DNAH14: variants seen among roughly 807,000 people sequenced by gnomAD.
DNAH14 encodes the protein axonemal beta dynein heavy chain 14.
A neutral mutation model predicts 520.9 loss-of-function variants in DNAH14; 478 were observed. The observed-to-expected ratio is 0.92, with a 90% CI of 0.85 to 0.99. The LOEUF is 0.99. Ranked by LOEUF, DNAH14 falls within the 50% of genes least tolerant of loss-of-function variation. The probability of loss-of-function intolerance (pLI) is 0.00; values close to 1 mark genes in which losing one functional copy is unlikely to be tolerated. For missense variants in DNAH14, 4,831 were observed against 5,234.5 expected, an observed-to-expected ratio of 0.92 and a Z score of 2.38; for synonymous variants, 1,581 against 1,757.2, an observed-to-expected ratio of 0.90 and a Z score of 2.51.
chr1:225,251,613 C>G (rs1227569648), intron 43 of DNAH14, among the ~76,000 whole-genome samples: 1 of 151,978 alleles, frequency 6.6e-6, no homozygotes, highest in African/African-American at 2.4e-5. Context: ...GAAGAACTTA[C>G]CATTAAGAGA....
chr1:225,384,369 A>G (rs1411064651), intron 81 of DNAH14, among the ~76,000 whole-genome samples: 2 of 152,132 alleles, frequency 1.3e-5, no homozygotes, highest in Non-Finnish European at 2.9e-5. Flanking sequence ...TGTGTGGGAC[A>G]CTAAGAACAG....
rs2149580456 is a variant in DNAH14, at chr1:225,232,828, A to G, written c.6518+1677A>G. Among the ~76,000 whole-genome samples the G allele has an allele frequency of 6.6e-6, 1 of 152,320 alleles. No individual in the cohort carries two copies. The highest frequency in any genetic ancestry group is 2.4e-5 in the African/African-American group (1 of 41,576). On this transcript the variant is annotated intron_variant, in intron 42 of 85. Transcript: ENST00000682510. This position sits in a 1 kb window ranked among gnomAD's most constrained non-coding sequence, Gnocchi z 4.2. Reference sequence around the variant, plus strand: ...ATTCTTATTTTAAGTTCAGGGGTACATGCACAGGATGTGCAGGTTTGTTAC... The same window carrying G: ...ATTCTTATTTTAAGTTCAGGGGTACGTGCACAGGATGTGCAGGTTTGTTAC...
chr1:225,201,575 TC>T (rs2086826401), intron 38 of DNAH14, among the ~76,000 whole-genome samples: 1 of 152,130 alleles, frequency 6.6e-6, no homozygotes, highest in Non-Finnish European at 1.5e-5. Flanking sequence ...TGTAGTACTC[TC>T]CCCCTTTTCC....
At chr1:225,031,205 A>C (rs958028292) in intron 11 of DNAH14, among the ~76,000 whole-genome samples, 1 of 152,072 alleles carries the variant, frequency 6.6e-6, no homozygotes, top group South Asian at 2.1e-4. Flanking sequence ...TTGATTTTGC[A>C]TATTGACCTT....
At chr1:225,175,701 CTTTTTTT>C (rs35341695) in intron 36 of DNAH14, among the ~76,000 whole-genome samples, 1 of 109,226 alleles carries the variant, frequency 9.2e-6, no homozygotes, top group Admixed American at 9.6e-5. Context: ...TATTTTGGAT[CTTTTTTT>C]TTTTTTTTTT....
intron 78 of DNAH14, among the ~76,000 whole-genome samples, chr1:225,375,878 A>G (rs2150706739): frequency 6.6e-6 from 1 of 151,884 alleles, no homozygotes; most frequent in Middle Eastern, 3.4e-3. Context: ...CTTGAAGCCA[A>G]GAGTTGGAGA....
chr1:225,228,570 G>C (rs947315339), intron 41 of DNAH14, among the ~76,000 whole-genome samples: 4 of 151,932 alleles, frequency 2.6e-5, no homozygotes, highest in Non-Finnish European at 5.9e-5. Flanking sequence ...ATGGAATGAT[G>C]TGCAAGGACA....
rs573346341 is a variant in DNAH14, at chr1:225,257,826, T to C, written c.6866-134T>C. ...CTGGGATTACAGGCGTGAGCCACCG[T>C]GCCCAGCCAGCCATGTACTTTTCAT... is the stretch of plus-strand genomic sequence containing the variant. On this transcript the variant is annotated intron_variant, in intron 44 of 85. Coordinates refer to ENST00000682510, the MANE Select transcript of DNAH14 (RefSeq NM_001367479.1). The C allele has an allele frequency of 4.2e-6, 3 of 721,116 alleles. No individual in the cohort carries two copies. The East Asian group carries it at 1.0e-4, about 24-fold the overall frequency. 44.7% of individuals were successfully genotyped at this position (721,116 alleles called of 1,614,324 possible). A position where few individuals can be genotyped will look rare whatever the true frequency, so the allele number is the denominator to read the frequency against.
chr1:225,315,613 G>A (rs994842257), intron 60 of DNAH14, among the ~76,000 whole-genome samples: 2 of 152,120 alleles, frequency 1.3e-5, no homozygotes, highest in Admixed American at 1.3e-4. Context: ...GTGACCTTCG[G>A]ATGGAGTTTT....
intron 17 of DNAH14, among the ~76,000 whole-genome samples, chr1:225,064,159 G>A (rs76209482): frequency 0.058 from 8,750 of 152,000 alleles, 345 homozygotes; most frequent in Non-Finnish European, 0.078. Flanking sequence ...AAAAGCAGAT[G>A]ACAGATACAA....
rs1435928893 is a variant in DNAH14, at chr1:225,381,483, T to C, written c.12981T>C (p.Asp4327=). 4 of 1,549,454 alleles carry C rather than the reference T, an allele frequency of 2.6e-6. No individual in the cohort carries two copies. Among genetic ancestry groups the C allele is most frequent in the Non-Finnish European group, 3.5e-6 (4 of 1,146,412 alleles). Residue 4327 remains aspartate, a synonymous_variant, in exon 81 of 86, where the codon GAT becomes GAC. Transcript: ENST00000682510. ...TTGTCATACATAAATCCTTAAAAGA[T>C]CTTCAGCTTGCTATAAAAGGAGAGA... ...LLFVIHKSLK[D]LQLAIKGEII...
At chr1:225,340,780 T>G in intron 69 of DNAH14, 79 bp downstream of exon 69, 1 of 1,441,668 alleles carries the variant, frequency 6.9e-7, no homozygotes, top group Non-Finnish European at 9.2e-7. Flanking sequence ...AATTTTGAAT[T>G]TGAGCCAAAA....
chr1:225,001,253 C>T (rs1286026785), intron 8 of DNAH14, among the ~76,000 whole-genome samples: 1 of 152,014 alleles, frequency 6.6e-6, no homozygotes, highest in East Asian at 1.9e-4. Context: ...CCCCACCCTT[C>T]AATGTTTTGT....
At chr1:225,010,026 T>A (rs1013707383) in intron 10 of DNAH14, among the ~76,000 whole-genome samples, 1 of 152,180 alleles carries the variant, frequency 6.6e-6, no homozygotes, top group African/African-American at 2.4e-5. Context: ...AAATATACGA[T>A]CATGTCATCT....
At chr1:225,060,992 C>T (rs1481674646) in intron 17 of DNAH14, among the ~76,000 whole-genome samples, 2 of 149,080 alleles carry the variant, frequency 1.3e-5, no homozygotes, top group East Asian at 2.0e-4. Flanking sequence ...TCTGTCCCTT[C>T]TCAGATCTCC....
chr1:224,989,484 A>T (rs1378797362), intron 8 of DNAH14, among the ~76,000 whole-genome samples: 1 of 152,086 alleles, frequency 6.6e-6, no homozygotes, highest in Non-Finnish European at 1.5e-5. Flanking sequence ...TTTTTGGGAT[A>T]TTCTACATAG....
intron 20 of DNAH14, among the ~76,000 whole-genome samples, chr1:225,085,164 C>A (rs570564605): frequency 4.2e-4 from 64 of 151,910 alleles, no homozygotes; most frequent in African/African-American, 1.5e-3. Flanking sequence ...GTCTTATCTA[C>A]CAGGGATAAA....
intron 46 of DNAH14, among the ~76,000 whole-genome samples, chr1:225,263,018 C>T (rs1462923377): frequency 2.0e-5 from 3 of 151,048 alleles, no homozygotes; most frequent in South Asian, 4.2e-4. Context: ...AAAAAAAGAA[C>T]AAACAATAAA....
chr1:225,074,903 C>T (rs550112086), intron 17 of DNAH14, among the ~76,000 whole-genome samples: 5 of 152,296 alleles, frequency 3.3e-5, no homozygotes, highest in Admixed American at 6.5e-5. Flanking sequence ...TGTGAGGCAT[C>T]GTGAAAGTAG....
Sources: allele counts gnomAD v4.1 joint callset (sites outside exome capture counted in the v4.1 genomes callset), GRCh38; gene constraint gnomAD v4.1.1; non-coding constraint Gnocchi (gnomAD v3.1); transcripts MANE v1.5; gene names NCBI Gene and HGNC (gene_info 2026-07-23, HGNC 2026-07-21).